The following CSTA variants were observed in gnomAD, a reference collection of about 807,000 sequenced individuals.
The protein encoded by CSTA is cystatin-A.
CSTA carries 9 observed loss-of-function variants against 9.2 expected under a neutral mutation model. That is an observed-to-expected ratio of 0.97 (90% CI 0.59 to 1.70). CSTA has a LOEUF of 1.70. CSTA is among the 40% of genes most tolerant of loss of function. The pLI is 0.00. For missense variants in CSTA, 118 were observed against 113.1 expected, an observed-to-expected ratio of 1.04 and a Z score of -0.20; for synonymous variants, 36 against 40.6, an observed-to-expected ratio of 0.89 and a Z score of 0.43.
In CSTA at chr3:122,341,776, G is replaced by A. The variant is rs2075267305; in HGVS notation, c.*209G>A. 1.7e-6 allele frequency: 1 copy of A among 594,978 alleles called. No homozygotes were observed. The highest frequency in any genetic ancestry group is 2.8e-6 in the Non-Finnish European group (1 of 354,162). The allele number at this position is 594,978 out of a possible 1,614,324, so 36.9% of individuals were successfully genotyped here. A position where few individuals can be genotyped will look rare whatever the true frequency, so the allele number is the denominator to read the frequency against. ...AGTATAAACTCCATATAAATTGATG[G>A]CAATTGGAAATCTTATAAAAACTAG... On this transcript the variant is annotated 3_prime_UTR_variant, in exon 3 of 3. Transcript: ENST00000264474.
At chr3:122,330,346 C>T (rs1300096110) in intron 1 of CSTA, among the ~76,000 whole-genome samples, 1 of 152,104 alleles carries the variant, frequency 6.6e-6, no homozygotes, top group Non-Finnish European at 1.5e-5. Context: ...GGAAGGCCAA[C>T]TGAAGAACCC....
Position 122,341,436 on chromosome 3 carries a change from C to A in CSTA, c.169-3C>A. ...TGCTTTCTCTTTCTTTAATATTTTT[C>A]AGGTACGAGCAGGTGATAATAAATA... On this transcript the variant is annotated splice_region_variant and splice_polypyrimidine_tract_variant and intron_variant, in intron 2 of 2. Coordinates refer to ENST00000264474, the MANE Select transcript of CSTA (RefSeq NM_005213.4). 2 of 1,613,738 alleles carry A rather than the reference C, an allele frequency of 1.2e-6. No individual in the cohort carries two copies. The highest frequency in any genetic ancestry group is 1.7e-6 in the Non-Finnish European group (2 of 1,179,762).
At chr3:122,330,042 G>GC (rs1203360833) in intron 1 of CSTA, among the ~76,000 whole-genome samples, 3 of 152,134 alleles carry the variant, frequency 2.0e-5, no homozygotes, top group African/African-American at 7.2e-5. Context: ...TATCATTTAT[G>GC]CCCCTACAAA....
At chr3:122,332,078 C>T (rs1213980137) in intron 1 of CSTA, among the ~76,000 whole-genome samples, 2 of 152,210 alleles carry the variant, frequency 1.3e-5, no homozygotes, top group African/African-American at 4.8e-5. Flanking sequence ...GCTCACTGGC[C>T]CACTGCTCCC....
chr3:122,329,314 C>T (rs759716504), intron 1 of CSTA, among the ~76,000 whole-genome samples: 1 of 151,726 alleles, frequency 6.6e-6, no homozygotes, highest in Non-Finnish European at 1.5e-5. Flanking sequence ...TGGCTCTCGG[C>T]TGTAATCCCA....
chr3:122,336,018 A>G (rs894196423), intron 1 of CSTA, among the ~76,000 whole-genome samples: 16 of 152,064 alleles, frequency 1.1e-4, no homozygotes, highest in Admixed American at 2.0e-4. Flanking sequence ...TATATAATGT[A>G]TATATATAAT....
chr3:122,326,270 A>G (rs775015465), intron 1 of CSTA, among the ~76,000 whole-genome samples: 27 of 152,246 alleles, frequency 1.8e-4, no homozygotes, highest in Non-Finnish European at 3.2e-4. Flanking sequence ...GGCTCAAGCC[A>G]TCCACTCACC....
At chr3:122,335,368 G>A (rs1034554205) in intron 1 of CSTA, among the ~76,000 whole-genome samples, 1 of 152,186 alleles carries the variant, frequency 6.6e-6, no homozygotes, top group African/African-American at 2.4e-5. Context: ...ATCCAGGTAA[G>A]CCCATGCAAT....
intron 1 of CSTA, among the ~76,000 whole-genome samples, chr3:122,333,288 A>C (rs546093253): frequency 6.6e-6 from 1 of 152,306 alleles, no homozygotes; most frequent in Admixed American, 6.5e-5. Flanking sequence ...AGGTGGGTGG[A>C]TCACCTGAGG....
chr3:122,326,073 C>A (rs1232356316), intron 1 of CSTA, among the ~76,000 whole-genome samples: 4 of 152,142 alleles, frequency 2.6e-5, no homozygotes, highest in Non-Finnish European at 5.9e-5. Context: ...GGCTGGAGTG[C>A]AATGGTCTGA....
chr3:122,327,002 G>A (rs2075174584), intron 1 of CSTA, among the ~76,000 whole-genome samples: 1 of 152,160 alleles, frequency 6.6e-6, no homozygotes. Context: ...CACTTTGGGA[G>A]GCTGAGGCAG....
chr3:122,329,258 G>A (rs2075189350), intron 1 of CSTA, among the ~76,000 whole-genome samples: 1 of 149,782 alleles, frequency 6.7e-6, no homozygotes, highest in African/African-American at 2.4e-5. Context: ...GAGCCACCGC[G>A]CCCAGCCAAA....
At chr3:122,327,357 G>A (rs1183806325) in intron 1 of CSTA, among the ~76,000 whole-genome samples, 4 of 151,442 alleles carry the variant, frequency 2.6e-5, no homozygotes, top group Non-Finnish European at 4.4e-5. Context: ...GTGAAACCCC[G>A]TCTCTACTAA....
Position 122,341,562 on chromosome 3 carries a change from T to G in CSTA, c.292T>G (p.Phe98Val), listed in dbSNP as rs749908410. ...AAACAAGGATGACGAGCTGACGGGC[T>G]TTTAGCAGCATGTACCCAAAGTGTT... Reference protein sequence around the residue: ...DKNKDDELTGF With the variant: ...DKNKDDELTGV The change falls in exon 3 of 3, where the codon TTT (phenylalanine) becomes GTT (valine). Residue 98 changes from phenylalanine to valine, a missense_variant. Transcript: ENST00000264474. 1.2e-6 allele frequency: 2 copies of G among 1,614,162 alleles called. No homozygotes were observed. Among genetic ancestry groups the G allele is most frequent in the Non-Finnish European group, 1.7e-6 (2 of 1,179,996 alleles).
intron 1 of CSTA, among the ~76,000 whole-genome samples, chr3:122,335,365 TA>T (rs1288971366): frequency 1.3e-5 from 2 of 152,174 alleles, no homozygotes; most frequent in African/African-American, 4.8e-5. Context: ...ATTATCCAGG[TA>T]AGCCCATGCA....
intron 1 of CSTA, among the ~76,000 whole-genome samples, chr3:122,328,928 G>A (rs181705095): frequency 3.8e-4 from 58 of 151,406 alleles, no homozygotes; most frequent in African/African-American, 1.3e-3. Flanking sequence ...ATGACAGAGC[G>A]AGACTCCATT....
At chr3:122,333,470 C>G (rs1408378914) in intron 1 of CSTA, among the ~76,000 whole-genome samples, 1 of 150,526 alleles carries the variant, frequency 6.6e-6, no homozygotes, top group East Asian at 2.0e-4. Flanking sequence ...GAGATTGTGC[C>G]ACTACACTCC....
chr3:122,333,464 T>C (rs1177311242), intron 1 of CSTA, among the ~76,000 whole-genome samples: 4 of 150,504 alleles, frequency 2.7e-5, no homozygotes, highest in African/African-American at 9.8e-5. Flanking sequence ...TGAGCTGAGA[T>C]TGTGCCACTA....
chr3:122,341,062 C>A (rs2075262915), intron 2 of CSTA, among the ~76,000 whole-genome samples: 1 of 151,962 alleles, frequency 6.6e-6, no homozygotes, highest in African/African-American at 2.4e-5. Flanking sequence ...CTGCCTCAGC[C>A]TCTAGAGTAG....
Sources: gnomAD v4.1 joint callset for allele counts (sites outside exome capture counted in the v4.1 genomes callset) on GRCh38, gnomAD v4.1.1 for gene constraint, MANE v1.5 for transcripts, NCBI Gene and HGNC (gene_info 2026-07-23, HGNC 2026-07-21) for gene names.